NBPF15: variants seen among roughly 807,000 people sequenced by gnomAD.
NBPF15 encodes the protein NBPF family member NBPF15.
Under a neutral mutation model 62.2 loss-of-function variants are expected in NBPF15, and 74 were observed. The observed-to-expected ratio is 1.19, with a 90% CI of 0.99 to 1.44. The LOEUF (loss-of-function observed/expected upper bound fraction) is 1.44. NBPF15 is among the 40% of genes most tolerant of loss of function. NBPF15 has a pLI of 0.00. For missense variants in NBPF15, 790 were observed against 550.0 expected (o/e 1.44, Z -4.36); for synonymous variants, 244 against 209.7 (o/e 1.16, Z -1.41).
In NBPF15 at chr1:144,423,275, C is replaced by T. The variant is rs781811435; in HGVS notation, c.1770-19G>A. 1.4e-5 allele frequency: 22 copies of T among 1,611,094 alleles called. No individual in the cohort carries two copies. The Admixed American group carries it at 3.3e-4, about 24-fold the overall frequency. ...GTAGAGCCTGGAAAAGGAGACAAAA[C>T]TAAAGAAGCAGCCAGGGAAAATCAG... On this transcript the variant is annotated intron_variant, in intron 21 of 21. Transcript: ENST00000581897.
chr1:144,459,594 A>G lies in NBPF15; in HGVS notation c.-818-111T>C, dbSNP rs1395137978. ...GAAAAAAGGGAAATGCAATACATATATATCGTAGAAAGGACACATAACCAG... is the reference window on the plus strand; with the variant it reads ...GAAAAAAGGGAAATGCAATACATATGTATCGTAGAAAGGACACATAACCAG... On this transcript the variant is annotated intron_variant, in intron 2 of 21. Coordinates refer to ENST00000581897, the MANE Select transcript of NBPF15 (RefSeq NM_001385408.1). The G allele has an allele frequency of 2.0e-5, 3 of 151,862 alleles. 1 individual carries two copies. The highest frequency in any genetic ancestry group is 4.4e-5 in the Non-Finnish European group (3 of 67,996). The allele number at this position is 151,862 out of a possible 1,614,324, so 9.4% of individuals were successfully genotyped here.
rs1257397519 is a variant in NBPF15 at position 144,423,261 on chromosome 1, A to G, written c.1770-5T>C. The G allele has an allele frequency of 1.2e-6, 2 of 1,611,556 alleles. No homozygotes were observed. The highest frequency in any genetic ancestry group is 1.7e-6 in the Non-Finnish European group (2 of 1,179,598). ...TCCATCAGCACGCCGTAGAGCCTGGAAAAGGAGACAAAACTAAAGAAGCAG... is the reference window on the plus strand; with the variant it reads ...TCCATCAGCACGCCGTAGAGCCTGGGAAAGGAGACAAAACTAAAGAAGCAG... On this transcript the variant is annotated splice_region_variant and splice_polypyrimidine_tract_variant and intron_variant, in intron 21 of 21. Transcript: ENST00000581897.
At chr1:144,457,339 C>T (rs1317203324) in intron 3 of NBPF15, among the ~76,000 whole-genome samples, 18 of 151,926 alleles carry the variant, frequency 1.2e-4, no homozygotes, top group East Asian at 1.9e-4. Flanking sequence ...TATCTGTACA[C>T]GTATATTCTA....
intron 5 of NBPF15, among the ~76,000 whole-genome samples, chr1:144,450,308 G>T (rs1558617952): frequency 6.9e-6 from 1 of 145,658 alleles, no homozygotes; most frequent in Non-Finnish European, 1.5e-5. Flanking sequence ...AGTCAGAGAA[G>T]GTGGGAGCTT....
chr1:144,428,134 T>A, intron 15 of NBPF15, 144 bp from the exon 16 acceptor site: 1 of 675,574 alleles, frequency 1.5e-6, no homozygotes, highest in East Asian at 2.7e-5. Flanking sequence ...ATTGCCTTTA[T>A]GTTGGGATAG....
chr1:144,433,270 C>A (rs1293742619), intron 13 of NBPF15, among the ~76,000 whole-genome samples: 1 of 152,012 alleles, frequency 6.6e-6, no homozygotes, highest in African/African-American at 2.4e-5. Flanking sequence ...AAAGACACAA[C>A]ATACCAGAAT....
chr1:144,423,049 G>C lies in NBPF15; in HGVS notation c.1977C>G (p.His659Gln). ...ATATGACTCCCATCTGGAACACCAG[G>C]TGGAGACTTGTCACCGTCAAAGTAA... ...RFFTLTVTSL[H>Q]LVFQMGVIFP... The change falls in exon 22 of 22, where the codon CAC becomes CAG. Residue 659 changes from histidine to glutamine, a missense_variant. By Grantham distance (24) the His-to-Gln change is conservative. Transcript: ENST00000581897. 3.1e-6 allele frequency: 5 copies of C among 1,611,656 alleles called. No individual in the cohort carries two copies. Among genetic ancestry groups the C allele is most frequent in the Non-Finnish European group, 4.2e-6 (5 of 1,179,630 alleles).
At chr1:144,430,995 A>G (rs370472630) in intron 13 of NBPF15, among the ~76,000 whole-genome samples, 32 of 151,528 alleles carry the variant, frequency 2.1e-4, no homozygotes, top group Non-Finnish European at 3.4e-4. Flanking sequence ...GATCAAATTA[A>G]TGAAATGAAG....
rs781984951 is a variant in NBPF15, at chr1:144,423,049, G to A, written c.1977C>T (p.His659=). The part of the protein sequence containing the change: ...RFFTLTVTSL[H]LVFQMGVIFP... Reference sequence around the variant, plus strand: ...ATATGACTCCCATCTGGAACACCAGGTGGAGACTTGTCACCGTCAAAGTAA... The same window carrying A: ...ATATGACTCCCATCTGGAACACCAGATGGAGACTTGTCACCGTCAAAGTAA... The change falls in exon 22 of 22, where the codon CAC becomes CAT. Residue 659 remains histidine, a synonymous_variant. Transcript: ENST00000581897. The A allele has an allele frequency of 3.1e-6, 5 of 1,611,656 alleles. No homozygotes were observed. The highest frequency in any genetic ancestry group is 4.2e-6 in the Non-Finnish European group (5 of 1,179,630).
intron 6 of NBPF15, among the ~76,000 whole-genome samples, chr1:144,444,311 A>C (rs1685686731): frequency 6.6e-6 from 1 of 150,540 alleles, no homozygotes. Flanking sequence ...CAAAGGCTGG[A>C]ATGTAACAAA....
chr1:144,422,988 C>G lies in NBPF15; in HGVS notation c.*25G>C, dbSNP rs1666739211. 1.9e-6 allele frequency: 3 copies of G among 1,611,618 alleles called. No homozygotes were observed. The highest frequency in any genetic ancestry group is 3.3e-5 in the Admixed American group (2 of 59,980). ...CTATAGGTCCTGCCTGCAGGAATGACATCTCTCGGCTTAGTAAGAGCTGCT... is the reference window on the plus strand; with the variant it reads ...CTATAGGTCCTGCCTGCAGGAATGAGATCTCTCGGCTTAGTAAGAGCTGCT... On this transcript the variant is annotated 3_prime_UTR_variant, in exon 22 of 22. Transcript: ENST00000581897.
At chr1:144,440,338 A>T (rs1553542387) in intron 6 of NBPF15, 43 bp from the exon 7 acceptor site, 1 of 1,143,464 alleles carries the variant, frequency 8.7e-7, no homozygotes, top group Non-Finnish European at 1.2e-6. Flanking sequence ...GGTGTCATGG[A>T]ATCTTAGGAG....
At chr1:144,451,324 C>T (rs781800352) in intron 4 of NBPF15, among the ~76,000 whole-genome samples, 10 of 151,750 alleles carry the variant, frequency 6.6e-5, no homozygotes, top group East Asian at 3.9e-4. Flanking sequence ...GATATACAAT[C>T]GGGCTTTACA....
intron 3 of NBPF15, among the ~76,000 whole-genome samples, chr1:144,457,645 G>A (rs1362684704): frequency 6.6e-6 from 1 of 151,838 alleles, no homozygotes; most frequent in Non-Finnish European, 1.5e-5. Flanking sequence ...GTGAATAAGA[G>A]ACAAAATCTC....
At chr1:144,451,545 C>G (rs587693610) in intron 4 of NBPF15, among the ~76,000 whole-genome samples, 3 of 151,946 alleles carry the variant, frequency 2.0e-5, no homozygotes, top group African/African-American at 7.3e-5. Context: ...ACCTGGCTTT[C>G]CTAGGCAGAG....
chr1:144,442,413 A>G (rs1684168907), intron 6 of NBPF15, among the ~76,000 whole-genome samples: 1 of 141,872 alleles, frequency 7.0e-6, no homozygotes, highest in East Asian at 2.0e-4. Context: ...ACGTGTGTAT[A>G]TATATTATAT....
rs61812362 is a variant in NBPF15, at chr1:144,456,131, G to A, written c.-432+406C>T. Among the ~76,000 whole-genome samples, 24 of 151,574 alleles carry A rather than the reference G, an allele frequency of 1.6e-4. No homozygotes were observed. In the South Asian group the frequency reaches 1.7e-3, roughly 11 times the overall value. On this transcript the variant is annotated intron_variant, in intron 4 of 21. Transcript: ENST00000581897. ...TGCAGGGCCTTAGCCTGGGGGATGC[G>A]GGTGGACAGGGAGGGGGTGAGCCAT...
rs1484266694 is a variant in NBPF15 at position 144,443,032 on chromosome 1, C to T, written c.-190-2737G>A. 4.4e-5 allele frequency: 8 copies of T among 182,190 alleles called. No individual in the cohort carries two copies. In the South Asian group the frequency reaches 4.5e-4, roughly 10 times the overall value. The allele number at this position is 182,190 out of a possible 1,614,324, so 11.3% of individuals were successfully genotyped here. ...ACCTCCTTTGTTCCTTCCACTCCAC[C>T]GCTCCCCATAGCTTTGCCCGCCTTT... On this transcript the variant is annotated intron_variant, in intron 6 of 21. Coordinates refer to ENST00000581897, the MANE Select transcript of NBPF15 (RefSeq NM_001385408.1).
At chr1:144,432,893 C>T (rs1372481390) in intron 13 of NBPF15, among the ~76,000 whole-genome samples, 1 of 151,780 alleles carries the variant, frequency 6.6e-6, no homozygotes, top group African/African-American at 2.4e-5. Context: ...TTAGACAGAT[C>T]AATGAGACAG....
Sources: gnomAD v4.1 joint callset for allele counts (sites outside exome capture counted in the v4.1 genomes callset) on GRCh38, gnomAD v4.1.1 for gene constraint, MANE v1.5 for transcripts, NCBI Gene and HGNC (gene_info 2026-07-23, HGNC 2026-07-21) for gene names.